TPTE: variants seen among roughly 807,000 people sequenced by gnomAD.
TPTE encodes the protein transmembrane phosphatase with tensin homology.
TPTE carries 59 observed loss-of-function variants against 84.1 expected under a neutral mutation model. That is an observed-to-expected ratio of 0.70 (90% CI 0.57 to 0.87). TPTE has a LOEUF of 0.87. TPTE is among the 40% of genes least tolerant of loss of function. The pLI is 0.00. For missense variants in TPTE, 382 were observed against 659.6 expected (o/e 0.58, Z 4.61); for synonymous variants, 130 against 223.5 (o/e 0.58, Z 3.73).
At chr21:10,591,744 G>C (rs1275784237) in intron 18 of TPTE, among the ~76,000 whole-genome samples, 5 of 152,424 alleles carry the variant, frequency 3.3e-5, no homozygotes, top group African/African-American at 1.2e-4. Context: ...GTTGTCATTT[G>C]TAATATGGAA....
At chr21:10,525,389 A>G (rs556782935) in intron 2 of TPTE, among the ~76,000 whole-genome samples, 7 of 152,426 alleles carry the variant, frequency 4.6e-5, no homozygotes, top group East Asian at 3.8e-4. Flanking sequence ...ATATGGTCCT[A>G]TCTCCAGGAA....
At chr21:10,601,275 C>A (rs1232994555) in intron 21 of TPTE, among the ~76,000 whole-genome samples, 2 of 152,304 alleles carry the variant, frequency 1.3e-5, no homozygotes, top group South Asian at 2.1e-4. Flanking sequence ...GAGGCCAGGG[C>A]AGGTGGATCA....
Position 10,527,350 on chromosome 21 carries a change from G to C in TPTE, c.-101-5G>C, listed in dbSNP as rs1202604962. On this transcript the variant is annotated splice_polypyrimidine_tract_variant and splice_region_variant and intron_variant, in intron 2 of 23. Coordinates refer to ENST00000618007, the MANE Select transcript of TPTE (RefSeq NM_199261.4). Reference sequence around the variant, plus strand: ...TTTTTGTATGTGCTTTTTACTCTTTGGTAGAGTTATGGATTCACTACCAGA... The same window carrying C: ...TTTTTGTATGTGCTTTTTACTCTTTCGTAGAGTTATGGATTCACTACCAGA... 6.5e-6 allele frequency: 1 copy of C among 152,800 alleles called. No homozygotes were observed. The highest frequency in any genetic ancestry group is 2.4e-5 in the African/African-American group (1 of 41,474). The allele number at this position is 152,800 out of a possible 1,614,324, so 9.5% of individuals were successfully genotyped here.
chr21:10,582,689 T>C (rs1436258292), intron 17 of TPTE, among the ~76,000 whole-genome samples: 11 of 152,410 alleles, frequency 7.2e-5, no homozygotes, highest in African/African-American at 2.6e-4. Flanking sequence ...TCTTTTTTTC[T>C]ATTACATTTG....
At chr21:10,572,466 A>G (rs1396276782) in intron 14 of TPTE, among the ~76,000 whole-genome samples, 5 of 152,068 alleles carry the variant, frequency 3.3e-5, no homozygotes, top group African/African-American at 1.2e-4. Flanking sequence ...AAAAAAAAAA[A>G]AAAAAAGGAA....
intron 18 of TPTE, among the ~76,000 whole-genome samples, chr21:10,591,551 G>T (rs1342286965): frequency 6.6e-6 from 1 of 152,312 alleles, no homozygotes; most frequent in Non-Finnish European, 1.5e-5. Context: ...TGGTGTGTGT[G>T]TGTGTCTCCT....
intron 1 of TPTE, among the ~76,000 whole-genome samples, chr21:10,522,521 G>C (rs114096029): frequency 2.9e-3 from 447 of 152,232 alleles, no homozygotes; most frequent in African/African-American, 9.9e-3. Context: ...AGTTGGAAAC[G>C]GTCAAAACAA....
chr21:10,559,902 AAT>A (rs1293829055), intron 9 of TPTE, among the ~76,000 whole-genome samples: 54 of 152,204 alleles, frequency 3.5e-4, no homozygotes, highest in African/African-American at 1.2e-3. Flanking sequence ...AAGAAAAGAA[AAT>A]ATATGAGTCT....
At chr21:10,559,407 T>C in intron 8 of TPTE, 87 bp from the exon 9 acceptor site, 1 of 1,556,528 alleles carries the variant, frequency 6.4e-7, no homozygotes, top group East Asian at 2.3e-5. Flanking sequence ...TTTGAAATTA[T>C]ATTTATAAGG....
chr21:10,547,722 C>G (rs868276062), intron 7 of TPTE, among the ~76,000 whole-genome samples: 3,676 of 150,830 alleles, frequency 0.024, 1 homozygote, highest in African/African-American at 0.087. Flanking sequence ...TTCAGTACAC[C>G]AAGCCCACAT....
At chr21:10,534,782 T>C (rs1220653325) in intron 3 of TPTE, among the ~76,000 whole-genome samples, 4 of 152,304 alleles carry the variant, frequency 2.6e-5, no homozygotes, top group Admixed American at 1.3e-4. Flanking sequence ...CATCCTTTTC[T>C]TTTTGGGTCT....
intron 8 of TPTE, among the ~76,000 whole-genome samples, chr21:10,558,374 G>T (rs2074725262): frequency 6.6e-6 from 1 of 152,308 alleles, no homozygotes; most frequent in Non-Finnish European, 1.5e-5. Context: ...CACCAACAAT[G>T]TATATGTGTT....
chr21:10,543,062 G>T (rs1330978867), intron 6 of TPTE, among the ~76,000 whole-genome samples: 1 of 103,776 alleles, frequency 9.6e-6, no homozygotes, highest in East Asian at 3.2e-4. Flanking sequence ...TCGCTCTGTC[G>T]CCCAGGCCGG....
At chr21:10,549,814 A>G (rs1326335402) in intron 7 of TPTE, among the ~76,000 whole-genome samples, 1 of 152,308 alleles carries the variant, frequency 6.6e-6, no homozygotes, top group African/African-American at 2.4e-5. Flanking sequence ...AGGGAGAGCT[A>G]GACATCTAGT....
chr21:10,537,508 C>T (rs568950494), intron 3 of TPTE, among the ~76,000 whole-genome samples: 2 of 152,416 alleles, frequency 1.3e-5, no homozygotes, highest in African/African-American at 4.8e-5. Context: ...GAAACCCCGT[C>T]TCTACTAAAA....
At chr21:10,538,911 G>A (rs1378124215) in intron 4 of TPTE, among the ~76,000 whole-genome samples, 177 bp downstream of exon 4, 85 of 152,268 alleles carry the variant, frequency 5.6e-4, no homozygotes, top group Non-Finnish European at 1.3e-4. Flanking sequence ...CATACAACAA[G>A]GAGACAGACG....
At chr21:10,532,294 T>C (rs1247602109) in intron 3 of TPTE, among the ~76,000 whole-genome samples, 19 of 152,306 alleles carry the variant, frequency 1.2e-4, no homozygotes, top group Non-Finnish European at 1.8e-4. Context: ...AGTTTTCACA[T>C]TTATTAGCAT....
At chr21:10,587,421 C>T (rs2075386105) in intron 17 of TPTE, among the ~76,000 whole-genome samples, 1 of 152,308 alleles carries the variant, frequency 6.6e-6, no homozygotes, top group Non-Finnish European at 1.5e-5. Context: ...CCTTGATGTC[C>T]ATGAGCACCC....
chr21:10,543,722 G>A (rs1173614647), intron 7 of TPTE, among the ~76,000 whole-genome samples: 1 of 152,310 alleles, frequency 6.6e-6, no homozygotes, highest in Non-Finnish European at 1.5e-5. Context: ...TCCTGTTAGT[G>A]TATTTGTCAC....
Sources: gnomAD v4.1 joint callset for allele counts (sites outside exome capture counted in the v4.1 genomes callset) on GRCh38, gnomAD v4.1.1 for gene constraint, MANE v1.5 for transcripts, NCBI Gene and HGNC (gene_info 2026-07-23, HGNC 2026-07-21) for gene names.